The following SCHIP1 variants were observed in gnomAD, a reference collection of about 807,000 sequenced individuals.
SCHIP1 encodes the protein schwannomin-interacting protein 1.
In SCHIP1, 8 loss-of-function variants were observed where a neutral mutation model predicts 29.7. That is an observed-to-expected ratio of 0.27 (90% CI 0.16 to 0.49). SCHIP1 has a LOEUF of 0.49. Among genes scored for constraint, SCHIP1 ranks in the 20% least tolerant of loss-of-function variants. The probability of loss-of-function intolerance (pLI) is 0.99; values close to 1 mark genes in which losing one functional copy is unlikely to be tolerated. For missense variants in SCHIP1, 193 were observed against 294.6 expected (o/e 0.66, Z 2.52); for synonymous variants, 76 against 94.9 (o/e 0.80, Z 1.16).
chr3:159,395,773 G>T, the SCHIP1 span, among the ~76,000 whole-genome samples: 2 of 151,354 alleles, frequency 1.3e-5, no homozygotes, highest in Admixed American at 1.3e-4. Flanking sequence ...GTGTGGTGTG[G>T]TGCTGAAAAA....
intron 1 of SCHIP1, among the ~76,000 whole-genome samples, chr3:159,843,822 C>CAAAA (rs1161141544): frequency 0.029 from 1,152 of 39,578 alleles, 141 homozygotes; most frequent in African/African-American, 0.11. Context: ...GACTCTGTCT[C>CAAAA]AAAAAAAAAA....
chr3:159,275,221 T>G, the SCHIP1 span: 25 of 328,988 alleles, frequency 7.6e-5, no homozygotes, highest in South Asian at 1.2e-4. Context: ...AAAGGTAGAT[T>G]TATGATTTCA....
chr3:159,467,453 C>T, the SCHIP1 span, among the ~76,000 whole-genome samples: 1 of 150,278 alleles, frequency 6.7e-6, no homozygotes, highest in Non-Finnish European at 1.5e-5. Flanking sequence ...TATTTAGAAC[C>T]AGAAATGAGA....
the SCHIP1 span, among the ~76,000 whole-genome samples, chr3:159,510,001 T>C: frequency 2.5e-4 from 38 of 152,284 alleles, no homozygotes; most frequent in African/African-American, 8.7e-4. Context: ...TTTCCTGAAT[T>C]TTAATGTTGG....
the SCHIP1 span, among the ~76,000 whole-genome samples, chr3:159,810,011 G>T: frequency 3.3e-5 from 5 of 152,124 alleles, no homozygotes; most frequent in African/African-American, 1.2e-4. Context: ...TAAACCAAAG[G>T]GATATAATTT....
the SCHIP1 span, among the ~76,000 whole-genome samples, chr3:159,829,515 T>C: frequency 6.6e-6 from 1 of 152,164 alleles, no homozygotes; most frequent in African/African-American, 2.4e-5. Context: ...AAGAAGAATA[T>C]AACGTTTCAG....
At chr3:159,725,517 C>T in the SCHIP1 span, among the ~76,000 whole-genome samples, 18 of 152,194 alleles carry the variant, frequency 1.2e-4, no homozygotes, top group East Asian at 2.9e-3. Context: ...CGCCTGCCTC[C>T]GCCTTCCAAA....
chr3:159,580,159 T>A, the SCHIP1 span, among the ~76,000 whole-genome samples: 2 of 152,224 alleles, frequency 1.3e-5, no homozygotes, highest in African/African-American at 4.8e-5. Flanking sequence ...TTATAAATTA[T>A]ACATAGACCT....
chr3:159,724,743 G>A, the SCHIP1 span, among the ~76,000 whole-genome samples: 1 of 152,180 alleles, frequency 6.6e-6, no homozygotes, highest in Non-Finnish European at 1.5e-5. Flanking sequence ...TGCAAGTCAA[G>A]TGGTTGCTAA....
the SCHIP1 span, among the ~76,000 whole-genome samples, chr3:159,642,428 C>T: frequency 6.6e-6 from 1 of 152,106 alleles, no homozygotes; most frequent in Non-Finnish European, 1.5e-5. Context: ...ATTCACATGG[C>T]ATAACACCCA....
the SCHIP1 span, among the ~76,000 whole-genome samples, chr3:159,338,496 C>T: frequency 6.6e-6 from 1 of 151,922 alleles, no homozygotes; most frequent in Admixed American, 6.6e-5. Context: ...TGTGTAGAAC[C>T]TTATAAGCCA....
chr3:159,750,671 G>C, the SCHIP1 span, among the ~76,000 whole-genome samples: 1 of 152,096 alleles, frequency 6.6e-6, no homozygotes, highest in East Asian at 1.9e-4. Context: ...AGCAGCTGGG[G>C]GTAGGGTTGG....
the SCHIP1 span, among the ~76,000 whole-genome samples, chr3:159,832,607 A>C: frequency 2.6e-5 from 4 of 152,162 alleles, no homozygotes; most frequent in Non-Finnish European, 5.9e-5. Context: ...ATAACTCGTG[A>C]CTTCCTAATA....
the SCHIP1 span, among the ~76,000 whole-genome samples, chr3:159,363,004 C>T: frequency 2.0e-5 from 3 of 152,186 alleles, no homozygotes; most frequent in African/African-American, 7.2e-5. Context: ...GCCTCAGTAA[C>T]AGCCACTTAC....
the SCHIP1 span, among the ~76,000 whole-genome samples, chr3:159,652,078 T>C: frequency 6.6e-6 from 1 of 151,412 alleles, no homozygotes; most frequent in Admixed American, 6.6e-5. Context: ...CCTGATGGAG[T>C]GATTGACAGA....
the SCHIP1 span, among the ~76,000 whole-genome samples, chr3:159,617,004 T>C: frequency 2.0e-5 from 3 of 152,244 alleles, no homozygotes; most frequent in African/African-American, 2.4e-5. Context: ...CTGGAAAATA[T>C]AGATGGGGAA....
the SCHIP1 span, among the ~76,000 whole-genome samples, chr3:159,784,560 C>T: frequency 6.6e-6 from 1 of 152,230 alleles, no homozygotes; most frequent in Non-Finnish European, 1.5e-5. Flanking sequence ...CTAAGGAATC[C>T]TGGTGACGTG....
At chr3:159,384,258 C>T in the SCHIP1 span, among the ~76,000 whole-genome samples, 2 of 151,162 alleles carry the variant, frequency 1.3e-5, no homozygotes, top group South Asian at 4.2e-4. Context: ...TCATAGATAG[C>T]TCTTATTATT....
chr3:159,635,443 A>G, the SCHIP1 span, among the ~76,000 whole-genome samples: 2 of 152,204 alleles, frequency 1.3e-5, no homozygotes, highest in African/African-American at 4.8e-5. Context: ...CCACCCATAG[A>G]GCAGTATCTA....
Sources: gnomAD v4.1 joint callset for allele counts (sites outside exome capture counted in the v4.1 genomes callset) on GRCh38, gnomAD v4.1.1 for gene constraint, MANE v1.5 for transcripts, NCBI Gene and HGNC (gene_info 2026-07-23, HGNC 2026-07-21) for gene names.